The following TMEM91 variants were observed in gnomAD, a reference collection of about 807,000 sequenced individuals.
TMEM91 encodes dispanin subfamily C member 3.
TMEM91 carries 6 observed loss-of-function variants against 13.3 expected under a neutral mutation model. The observed-to-expected ratio is 0.45, with a 90% CI of 0.25 to 0.89. The LOEUF (loss-of-function observed/expected upper bound fraction) is 0.89, where lower values mean the gene tolerates loss of function less well. TMEM91 is among the 40% of genes least tolerant of loss of function. TMEM91 has a pLI of 0.19. For synonymous variants in TMEM91, 87 were observed against 101.7 expected, an observed-to-expected ratio of 0.86 and a Z score of 0.87; for missense variants, 193 against 228.7, an observed-to-expected ratio of 0.84 and a Z score of 1.01.
chr19:41,383,586 G>A, intron 3 of TMEM91, 129 bp from the exon 4 acceptor site: 1 of 1,613,824 alleles, frequency 6.2e-7, no homozygotes, highest in East Asian at 2.2e-5. Context: ...ACCTATAGTA[G>A]GTGCTACGTA....
intron 1 of TMEM91, among the ~76,000 whole-genome samples, chr19:41,369,739 TGGAGGTTGCA>T (rs898309849): frequency 3.3e-5 from 5 of 150,494 alleles, no homozygotes; most frequent in African/African-American, 1.2e-4. Flanking sequence ...ACCCAGGAGG[TGGAGGTTGCA>T]GTGAGCCGAG....
In TMEM91 at chr19:41,378,514, G is replaced by A. The variant is rs764570710; in HGVS notation, c.205G>A (p.Val69Ile). ...CCTGGGGGAACCAAGGCCCCCTGAT[G>A]TTGAGGTAGGAAACAGCAGGCCTTA... ...AGLGEPRPPD[V>I]EDMSSSDSDS... is the part of the protein sequence containing the mutation. Residue 69 changes from valine (V) to isoleucine (I), a missense_variant, in exon 2 of 4, where the codon GTT becomes ATT. By Grantham distance (29) the Val-to-Ile change is conservative. Coordinates refer to ENST00000392002, the MANE Select transcript of TMEM91 (RefSeq NM_001098821.2). The A allele has an allele frequency of 5.0e-6, 8 of 1,613,956 alleles. No individual in the cohort carries two copies. In the African/African-American group the frequency reaches 6.7e-5, roughly 13 times the overall value.
chr19:41,374,754 C>T (rs551344706), upstream of TMEM91, among the ~76,000 whole-genome samples: 7 of 152,112 alleles, frequency 4.6e-5, no homozygotes, highest in African/African-American at 1.7e-4. Flanking sequence ...GAGGCTGAGG[C>T]GGGTGGGTCA....
intron 2 of TMEM91, among the ~76,000 whole-genome samples, chr19:41,380,512 T>C (rs2038854012): frequency 6.6e-6 from 1 of 151,984 alleles, no homozygotes; most frequent in Non-Finnish European, 1.5e-5. Flanking sequence ...CTGTGGCTCA[T>C]GCCTGTAATC....
upstream of TMEM91, among the ~76,000 whole-genome samples, chr19:41,372,870 C>T (rs1599923323): frequency 1.3e-5 from 2 of 152,098 alleles, no homozygotes; most frequent in African/African-American, 4.8e-5. Flanking sequence ...ATCAGATTTT[C>T]ACCCAATAAC....
At chr19:41,368,001 A>C (rs1371252047) in intron 1 of TMEM91, among the ~76,000 whole-genome samples, 1 of 152,124 alleles carries the variant, frequency 6.6e-6, no homozygotes, top group Admixed American at 6.6e-5. Flanking sequence ...TACAGGAAAA[A>C]GCAGAAGTTG....
intron 1 of TMEM91, among the ~76,000 whole-genome samples, chr19:41,371,156 C>T (rs2038610257): frequency 6.6e-6 from 1 of 151,576 alleles, no homozygotes; most frequent in Non-Finnish European, 1.5e-5. Context: ...CATGCACCAT[C>T]ATGCCCGGCT....
chr19:41,375,297 T>TTTTTTTTTTTTTTC (rs869066634), upstream of TMEM91, among the ~76,000 whole-genome samples: 1 of 113,262 alleles, frequency 8.8e-6, no homozygotes. Context: ...TTTTTTTTTT[T>TTTTTTTTTTTTTTC]TGAGACGGAG....
At chr19:41,381,286 G>T (rs1264585443) in intron 2 of TMEM91, among the ~76,000 whole-genome samples, 1 of 151,762 alleles carries the variant, frequency 6.6e-6, no homozygotes, top group Non-Finnish European at 1.5e-5. Flanking sequence ...AAACTGCTGG[G>T]CTCAAGCCAT....
At chr19:41,382,570 T>C (rs1469681156) in intron 2 of TMEM91, among the ~76,000 whole-genome samples, 2 of 152,202 alleles carry the variant, frequency 1.3e-5, no homozygotes, top group African/African-American at 4.8e-5. Flanking sequence ...GCCGAGACTG[T>C]GCCATTGTAC....
upstream of TMEM91, chr19:41,376,202 G>A (rs2038714970): frequency 6.6e-6 from 1 of 152,278 alleles, no homozygotes; most frequent in Non-Finnish European, 1.5e-5. Context: ...CCGGAGCTGA[G>A]AGGAAGAATG....
chr19:41,364,311 C>T (rs1451780962), intron 1 of TMEM91: 1 of 152,670 alleles, frequency 6.6e-6, no homozygotes, highest in Non-Finnish European at 1.5e-5. Context: ...AGGGTTCCGC[C>T]ATTTTGGGCG....
chr19:41,378,576 T>G, intron 2 of TMEM91, 57 bp downstream of exon 2: 1 of 1,571,464 alleles, frequency 6.4e-7, no homozygotes, highest in Non-Finnish European at 8.7e-7. Flanking sequence ...TGAGCCCCAC[T>G]AAGGCCAGCA....
At chr19:41,372,403 A>C (rs1375153973), upstream of TMEM91, among the ~76,000 whole-genome samples, 4 of 151,900 alleles carry the variant, frequency 2.6e-5, no homozygotes, top group African/African-American at 9.7e-5. Context: ...GCTGGCCTGG[A>C]ACTCCTGGGC....
At chr19:41,381,243 G>T (rs1297327735) in intron 2 of TMEM91, among the ~76,000 whole-genome samples, 1 of 151,892 alleles carries the variant, frequency 6.6e-6, no homozygotes, top group Non-Finnish European at 1.5e-5. Context: ...CAGGCTGGGG[G>T]GCAGACATGT....
intron 1 of TMEM91, among the ~76,000 whole-genome samples, 197 bp from the exon 2 acceptor site, chr19:41,378,084 T>C (rs1279789018): frequency 1.3e-5 from 2 of 150,232 alleles, no homozygotes; most frequent in Non-Finnish European, 3.0e-5. Context: ...CAAAATTGAA[T>C]GTCCAGACCC....
intron 1 of TMEM91, among the ~76,000 whole-genome samples, chr19:41,366,879 C>T (rs1009494192): frequency 5.3e-5 from 8 of 151,950 alleles, no homozygotes; most frequent in South Asian, 2.1e-4. Context: ...GGTTCATGCC[C>T]GTAATCCCAG....
At chr19:41,376,311 C>T (rs1353323676), upstream of TMEM91, 1 of 152,212 alleles carries the variant, frequency 6.6e-6, no homozygotes, top group Non-Finnish European at 1.5e-5. Context: ...CTAACCTCGG[C>T]TTGCCAGTTT....
At chr19:41,365,095 A>G (rs929742173) in intron 1 of TMEM91, among the ~76,000 whole-genome samples, 2 of 150,054 alleles carry the variant, frequency 1.3e-5, no homozygotes, top group African/African-American at 2.5e-5. Context: ...TATGTTGCCC[A>G]GTCTTGTCTT....
Sources: gnomAD v4.1 joint callset for allele counts (sites outside exome capture counted in the v4.1 genomes callset) on GRCh38, gnomAD v4.1.1 for gene constraint, MANE v1.5 for transcripts, NCBI Gene and HGNC (gene_info 2026-07-23, HGNC 2026-07-21) for gene names.